HMCN2: variants seen among roughly 807,000 people sequenced by gnomAD.
HMCN2 encodes the protein hemicentin-2.
In HMCN2, 325 loss-of-function variants were observed where a neutral mutation model predicts 377.5. The ratio of observed to expected loss-of-function variants is 0.86; its 90% CI spans 0.79 to 0.94. HMCN2 has a LOEUF of 0.94. Ranked by LOEUF, HMCN2 falls within the 40% of genes least tolerant of loss-of-function variation. The pLI is 0.00. For synonymous variants in HMCN2, 2,007 were observed against 2,046.8 expected, an observed-to-expected ratio of 0.98 and a Z score of 0.53; for missense variants, 4,543 against 4,725.3, an observed-to-expected ratio of 0.96 and a Z score of 1.13.
rs59218805 is a variant in HMCN2, at chr9:130,429,625, G to A, written c.14266G>A (p.Gly4756Ser). 0.13 allele frequency: 198,284 copies of A among 1,548,924 alleles called. 15,374 individuals are homozygous for A. Among genetic ancestry groups the A allele is most frequent in the East Asian group, 0.37 (14,976 of 40,862 alleles). The change falls in exon 94 of 98, where the codon GGT (glycine) becomes AGT (serine). Residue 4756 changes from glycine (G) to serine (S), a missense_variant. Transcript: ENST00000683500. Reference protein sequence around the residue: ...YNQLCENTPGGHRCSCPRGYR... With the variant: ...YNQLCENTPGSHRCSCPRGYR... Reference sequence around the variant, plus strand: ...CCAGCTCTGCGAGAACACCCCAGGCGGTCACCGCTGCAGCTGCCCCAGGGG... The same window carrying A: ...CCAGCTCTGCGAGAACACCCCAGGCAGTCACCGCTGCAGCTGCCCCAGGGG...
rs1588356087 is a variant in HMCN2 at position 130,382,196 on chromosome 9, T to C, written c.8444T>C (p.Leu2815Pro). Residue 2815 changes from leucine (L) to proline (P), a missense_variant, in exon 55 of 98, where the codon CTG becomes CCG. Physicochemically the swap from Leu to Pro is moderately conservative, Grantham distance 98. Coordinates refer to ENST00000683500, the MANE Select transcript of HMCN2 (RefSeq NM_001291815.2). The part of the protein sequence containing the change: ...EVSVLQGGRV[L>P]QIPLVRAENA... ...CGTGTCCCTGCAGGAGGCCGGGTCCTGCAGATCCCCCTGGTGCGGGCAGAG... is the reference window on the plus strand; with the variant it reads ...CGTGTCCCTGCAGGAGGCCGGGTCCCGCAGATCCCCCTGGTGCGGGCAGAG... The C allele has an allele frequency of 1.0e-6, 1 of 985,858 alleles. No homozygotes were observed. Among genetic ancestry groups the C allele is most frequent in the Non-Finnish European group, 1.2e-6 (1 of 829,924 alleles). 61.1% of individuals were successfully genotyped at this position (985,858 alleles called of 1,614,324 possible).
intron 8 of HMCN2, among the ~76,000 whole-genome samples, chr9:130,300,451 A>C (rs112042576): frequency 5.9e-5 from 9 of 152,350 alleles, no homozygotes; most frequent in African/African-American, 1.4e-4. Context: ...GACACTTTCC[A>C]TGGGGCAGTC....
At chr9:130,287,134 C>T (rs1835456807) in intron 4 of HMCN2, among the ~76,000 whole-genome samples, 1 of 152,168 alleles carries the variant, frequency 6.6e-6, no homozygotes, top group South Asian at 2.1e-4. Flanking sequence ...CCGGAGCCTA[C>T]ACAAGTGGCT....
At chr9:130,300,567 C>G (rs1836450955) in intron 8 of HMCN2, among the ~76,000 whole-genome samples, 1 of 152,256 alleles carries the variant, frequency 6.6e-6, no homozygotes. Context: ...GCTCACAGGG[C>G]TGCCGTGGGG....
Position 130,369,746 on chromosome 9 carries a change from A to C in HMCN2, c.6964A>C (p.Ser2322Arg). 1.0e-6 allele frequency: 1 copy of C among 985,920 alleles called. No individual in the cohort carries two copies. Among genetic ancestry groups the C allele is most frequent in the Non-Finnish European group, 1.2e-6 (1 of 829,994 alleles). The allele number at this position is 985,920 out of a possible 1,614,324, so 61.1% of individuals were successfully genotyped here. The stretch of plus-strand genomic sequence containing the variant: ...CCTGCAGCTGCAGAACCAGGGTCAG[A>C]GCCTGCATGTGGAGCGGGCCCAGGC... ...LGLQLQNQGQSLHVERAQAAH... is the reference protein window; with the variant it reads ...LGLQLQNQGQRLHVERAQAAH... Residue 2322 changes from serine to arginine, a missense_variant, in exon 45 of 98, where the codon AGC (serine) becomes CGC (arginine). Physicochemically the swap from Ser to Arg is moderately radical, Grantham distance 110. Transcript: ENST00000683500. The surrounding 1 kb of genome is among the most constrained non-coding windows in gnomAD (Gnocchi z 4.5).
chr9:130,404,672 T>C (rs1033146081), intron 80 of HMCN2, among the ~76,000 whole-genome samples, 197 bp from the exon 81 acceptor site: 1 of 152,230 alleles, frequency 6.6e-6, no homozygotes, highest in Admixed American at 6.5e-5. Flanking sequence ...TGCAATGGAA[T>C]CACCGTCACA....
rs536233127 is a variant in HMCN2, at chr9:130,432,399, C to T, written c.14768-30C>T. The T allele has an allele frequency of 1.9e-4, 288 of 1,550,762 alleles. 1 individual carries two copies. In the African/African-American group the frequency reaches 3.5e-3, roughly 19 times the overall value. On this transcript the variant is annotated intron_variant, in intron 96 of 97. Coordinates refer to ENST00000683500, the MANE Select transcript of HMCN2 (RefSeq NM_001291815.2). ...TCCTTTGCTCCATCTTTTCATCTCC[C>T]TCCCCCGCTTCACCAACTTCCCCAT...
In HMCN2 at chr9:130,307,282, G is replaced by A. The variant is rs577413001; in HGVS notation, c.2087-171G>A. Reference sequence around the variant, plus strand: ...TGCCTTAGGGTCACTATGGGAACAGGGTCATAGGTGGAGGGACCGGGAGGG... The same window carrying A: ...TGCCTTAGGGTCACTATGGGAACAGAGTCATAGGTGGAGGGACCGGGAGGG... On this transcript the variant is annotated intron_variant, in intron 13 of 97. Coordinates refer to ENST00000683500, the MANE Select transcript of HMCN2 (RefSeq NM_001291815.2). Among the ~76,000 whole-genome samples the A allele has an allele frequency of 2.7e-4, 41 of 152,238 alleles. No homozygotes were observed. In the South Asian group the frequency reaches 8.5e-3, roughly 32 times the overall value.
intron 4 of HMCN2, among the ~76,000 whole-genome samples, chr9:130,286,921 C>G (rs1468044067): frequency 1.3e-5 from 2 of 152,166 alleles, no homozygotes; most frequent in African/African-American, 4.8e-5. Flanking sequence ...ATGGTATCAT[C>G]CTGTTCAGGG....
chr9:130,403,281 C>G lies in HMCN2; in HGVS notation c.11966C>G (p.Pro3989Arg), dbSNP rs899999526. The change falls in exon 79 of 98, where the codon CCC becomes CGC. Residue 3989 changes from proline (P) to arginine (R), a missense_variant. Transcript: ENST00000683500. ...CTGCCCTGCGAGGCCTCAGGCATCCCCCGGCCGACCATCACCTGGCAGAAG... is the reference window on the plus strand; with the variant it reads ...CTGCCCTGCGAGGCCTCAGGCATCCGCCGGCCGACCATCACCTGGCAGAAG... ...VLLPCEASGIPRPTITWQKEG... is the reference protein window; with the variant it reads ...VLLPCEASGIRRPTITWQKEG... The G allele has an allele frequency of 1.1e-5, 14 of 1,289,726 alleles. No homozygotes were observed. The African/African-American group carries it at 1.2e-4, about 11-fold the overall frequency. The allele number at this position is 1,289,726 out of a possible 1,614,324, so 79.9% of individuals were successfully genotyped here.
At position 130,425,077 on chromosome 9, in the gene HMCN2, G is replaced by A. The variant is rs1444301913; in HGVS notation, c.13588G>A (p.Val4530Met). 1 of 1,550,036 alleles carries A rather than the reference G, an allele frequency of 6.5e-7. No individual in the cohort carries two copies. The highest frequency in any genetic ancestry group is 8.7e-7 in the Non-Finnish European group (1 of 1,146,898). The change falls in exon 89 of 98, where the codon GTG becomes ATG. Residue 4530 changes from valine to methionine, a missense_variant. Coordinates refer to ENST00000683500, the MANE Select transcript of HMCN2 (RefSeq NM_001291815.2). ...DPDGLLLLDV[V>M]VNGVVPESLA... is the part of the protein sequence containing the mutation. The stretch of plus-strand genomic sequence containing the variant: ...CGATGGCCTCCTGCTCCTCGACGTG[G>A]TGGTCAATGGCGTTGTCCCCGAGAG...
At chr9:130,404,206 G>T (rs1005538522) in intron 80 of HMCN2, among the ~76,000 whole-genome samples, 2 of 152,202 alleles carry the variant, frequency 1.3e-5, no homozygotes, top group African/African-American at 2.4e-5. Context: ...TCAAAGATCA[G>T]GTGGCATCAC....
Position 130,331,867 on chromosome 9 carries a change from G to A in HMCN2, c.3359+4392G>A, listed in dbSNP as rs1309259446. On this transcript the variant is annotated intron_variant, in intron 22 of 97. Transcript: ENST00000683500. ...ACAGGGCCAAATCCCTAATCCCAGC[G>A]CGGTGTGGGGGCAGTGAGAGGATGG... Among the ~76,000 whole-genome samples the A allele has an allele frequency of 5.3e-5, 8 of 152,168 alleles. 1 individual carries two copies. Among genetic ancestry groups the A allele is most frequent in the Admixed American group, 3.9e-4 (6 of 15,276 alleles).
At chr9:130,412,032 T>C (rs4469505) in intron 85 of HMCN2, among the ~76,000 whole-genome samples, 89,296 of 151,816 alleles carry the variant, frequency 0.59, 27,248 homozygotes, top group East Asian at 0.82. Context: ...AGTGCAGTGG[T>C]GCCATCTCTG....
chr9:130,432,875 A>C, intron 97 of HMCN2: 1 of 397,656 alleles, frequency 2.5e-6, no homozygotes, highest in Non-Finnish European at 4.5e-6. Flanking sequence ...AGACATGGGG[A>C]CCTTAGGGGT....
rs1052679196 is a variant in HMCN2, at chr9:130,425,098, G to C, written c.13609G>C (p.Glu4537Gln). 1.5e-5 allele frequency: 24 copies of C among 1,549,948 alleles called. No homozygotes were observed. The highest frequency in any genetic ancestry group is 2.1e-5 in the Non-Finnish European group (24 of 1,146,828). ...CGTGGTGGTCAATGGCGTTGTCCCC[G>C]AGAGCCTGGCTGACGCAGATCTTCA... ...LDVVVNGVVP[E>Q]SLADADLQVQ... The change falls in exon 89 of 98, where the codon GAG becomes CAG. Residue 4537 changes from glutamate to glutamine, a missense_variant. This residue lies in a region of HMCN2 where 1,155 missense variants were observed against 1,157.7 expected (regional missense o/e 1.00). Coordinates refer to ENST00000683500, the MANE Select transcript of HMCN2 (RefSeq NM_001291815.2).
At position 130,428,474 on chromosome 9, in the gene HMCN2, G is replaced by A. The variant is rs1455118848; in HGVS notation, c.14182G>A (p.Gly4728Arg). The A allele has an allele frequency of 6.5e-7, 1 of 1,541,590 alleles. No homozygotes were observed. The highest frequency in any genetic ancestry group is 1.4e-5 in the African/African-American group (1 of 73,044). Reference sequence around the variant, plus strand: ...TGGGCCTGGCTTCCGGGTGGCTGATGGGGCCGGCTGTGAAGGTGATGGGGG... The same window carrying A: ...TGGGCCTGGCTTCCGGGTGGCTGATAGGGCCGGCTGTGAAGGTGATGGGGG... ...DCGPGFRVAD[G>R]AGCEDVDECL... The change falls in exon 93 of 98, where the codon GGG becomes AGG. Residue 4728 changes from glycine to arginine, a missense_variant. By Grantham distance (125) the Gly-to-Arg change is moderately radical. Transcript: ENST00000683500. This position sits in a 1 kb window ranked among gnomAD's most constrained non-coding sequence, Gnocchi z 5.0.
At chr9:130,368,014 G>T (rs1030407286) in intron 43 of HMCN2, among the ~76,000 whole-genome samples, 1 of 151,544 alleles carries the variant, frequency 6.6e-6, no homozygotes, top group African/African-American at 2.4e-5. Flanking sequence ...GAGGGCTCAG[G>T]CCAGAGTAGG....
At chr9:130,372,138 G>T (rs180697996) in intron 46 of HMCN2, among the ~76,000 whole-genome samples, 156 bp from the exon 47 acceptor site, 1 of 152,256 alleles carries the variant, frequency 6.6e-6, no homozygotes, top group East Asian at 1.9e-4. Flanking sequence ...TACCCTCCTG[G>T]GCCTCAGTTT....
Sources: allele counts gnomAD v4.1 joint callset (sites outside exome capture counted in the v4.1 genomes callset), GRCh38; gene constraint gnomAD v4.1.1; regional missense constraint gnomAD v4.1.1; non-coding constraint Gnocchi (gnomAD v3.1); transcripts MANE v1.5; gene names NCBI Gene and HGNC (gene_info 2026-07-23, HGNC 2026-07-21).